GOT1: variants seen among roughly 807,000 people sequenced by gnomAD.
GOT1 encodes glutamic-oxaloacetic transaminase 1.
Under a neutral mutation model 48.2 loss-of-function variants are expected in GOT1, and 25 were observed. The ratio of observed to expected loss-of-function variants is 0.52; its 90% CI spans 0.38 to 0.72. The LOEUF is 0.72. Among genes scored for constraint, GOT1 ranks in the 30% least tolerant of loss-of-function variants. The pLI is 0.00. For missense variants in GOT1, 380 were observed against 520.1 expected, an observed-to-expected ratio of 0.73 and a Z score of 2.62; for synonymous variants, 188 against 193.8, an observed-to-expected ratio of 0.97 and a Z score of 0.25.
intron 2 of GOT1, among the ~76,000 whole-genome samples, chr10:99,411,621 A>G (rs1316963682): frequency 1.3e-5 from 2 of 152,194 alleles, no homozygotes; most frequent in Non-Finnish European, 2.9e-5. Flanking sequence ...CATCTTTAGT[A>G]TACTACATCA....
In GOT1 at chr10:99,397,430, G is replaced by T; in HGVS notation, c.*117C>A. On this transcript the variant is annotated 3_prime_UTR_variant, in exon 9 of 9. Coordinates refer to ENST00000370508, the MANE Select transcript of GOT1 (RefSeq NM_002079.3). This position sits in a 1 kb window ranked among gnomAD's most constrained non-coding sequence, Gnocchi z 5.4. ...TTTAAACAGAGGCTGCCTCACCAGA[G>T]CAGCCTTTCAGTCCTGCAAGTGTCT... 1 of 1,105,728 alleles carries T rather than the reference G, an allele frequency of 9.0e-7. No individual in the cohort carries two copies. The highest frequency in any genetic ancestry group is 1.4e-6 in the Non-Finnish European group (1 of 738,208). The allele number at this position is 1,105,728 out of a possible 1,614,324, so 68.5% of individuals were successfully genotyped here.
chr10:99,405,202 G>A (rs1039311940), intron 5 of GOT1, among the ~76,000 whole-genome samples: 4 of 152,074 alleles, frequency 2.6e-5, no homozygotes, highest in Admixed American at 6.6e-5. Context: ...CTACAAACTC[G>A]TTAAGGAAGA....
chr10:99,430,344 G>A (rs1373874083), intron 1 of GOT1, 104 bp downstream of exon 1: 77 of 1,606,616 alleles, frequency 4.8e-5, no homozygotes, highest in Non-Finnish European at 4.2e-5. Flanking sequence ...GCCCTCTTCA[G>A]GCAGCGCCAC....
At chr10:99,429,566 C>T (rs978998705) in intron 1 of GOT1, among the ~76,000 whole-genome samples, 1 of 152,048 alleles carries the variant, frequency 6.6e-6, no homozygotes, top group Non-Finnish European at 1.5e-5. Context: ...GTGGCAAAAT[C>T]CAAATGGAGA....
At chr10:99,429,177 G>C (rs1006255991) in intron 1 of GOT1, among the ~76,000 whole-genome samples, 1 of 151,778 alleles carries the variant, frequency 6.6e-6, no homozygotes, top group African/African-American at 2.4e-5. Context: ...AGCCTCCCGA[G>C]TACCTGGGAC....
chr10:99,405,911 GAC>G (rs1163276759), intron 4 of GOT1, 51 bp from the exon 5 acceptor site: 1 of 1,046,418 alleles, frequency 9.6e-7, no homozygotes, highest in Non-Finnish European at 1.5e-6. Flanking sequence ...AATATTGGGA[GAC>G]AGAGTCAGCA....
intron 2 of GOT1, among the ~76,000 whole-genome samples, chr10:99,418,245 G>T (rs1589941857): frequency 6.6e-6 from 1 of 151,890 alleles, no homozygotes; most frequent in African/African-American, 2.4e-5. Context: ...GATTAAGAGG[G>T]AGGGCTATGT....
At chr10:99,399,903 G>T (rs898317515) in intron 8 of GOT1, among the ~76,000 whole-genome samples, 1 of 152,220 alleles carries the variant, frequency 6.6e-6, no homozygotes, top group African/African-American at 2.4e-5. Flanking sequence ...AACAAAGAAA[G>T]CAAGCTTAAG....
Position 99,397,441 on chromosome 10 carries a change from G to A in GOT1, c.*106C>T, listed in dbSNP as rs1589932591. On this transcript the variant is annotated 3_prime_UTR_variant, in exon 9 of 9. Coordinates refer to ENST00000370508, the MANE Select transcript of GOT1 (RefSeq NM_002079.3). The surrounding 1 kb of genome is among the most constrained non-coding windows in gnomAD (Gnocchi z 5.4). ...GCTGCCTCACCAGAGCAGCCTTTCA[G>A]TCCTGCAAGTGTCTCTAATCCATGG... The A allele has an allele frequency of 3.3e-6, 4 of 1,223,984 alleles. No individual in the cohort carries two copies. The Admixed American group carries it at 7.0e-5, about 21-fold the overall frequency. 75.8% of individuals were successfully genotyped at this position (1,223,984 alleles called of 1,614,324 possible). A position where few individuals can be genotyped will look rare whatever the true frequency, so the allele number is the denominator to read the frequency against.
intron 8 of GOT1, 110 bp downstream of exon 8, chr10:99,402,470 G>T: frequency 8.6e-7 from 1 of 1,159,284 alleles, no homozygotes; most frequent in Non-Finnish European, 1.3e-6. Flanking sequence ...AGCAATGGCT[G>T]CCCAATTAGG....
At chr10:99,425,545 C>G (rs1003056793) in intron 1 of GOT1, among the ~76,000 whole-genome samples, 1 of 152,032 alleles carries the variant, frequency 6.6e-6, no homozygotes, top group Admixed American at 6.6e-5. Flanking sequence ...AATAATGAGG[C>G]CTTGAATTCA....
At chr10:99,422,407 T>C (rs181807129) in intron 1 of GOT1, among the ~76,000 whole-genome samples, 11 of 152,312 alleles carry the variant, frequency 7.2e-5, no homozygotes, top group African/African-American at 2.6e-4. Flanking sequence ...ATAATCCCAG[T>C]ACTCAGAGAC....
chr10:99,410,489 A>T (rs558827643), intron 2 of GOT1, among the ~76,000 whole-genome samples: 2 of 152,322 alleles, frequency 1.3e-5, no homozygotes, highest in Admixed American at 6.5e-5. Context: ...TCATTTTTTT[A>T]AAAATCAGTA....
Position 99,406,149 on chromosome 10 carries a change from C to A in GOT1, c.525G>T (p.Leu175=). ...EKRGLDLQGF[L]NDLENAPEFS... ...CTAAATCACCCACCTCCAGATCATT[C>A]AGGAAGCCCTGGAGGTCCAATCCTC... Residue 175 remains leucine (L), a synonymous_variant, in exon 4 of 9, where the codon CTG becomes CTT. Transcript: ENST00000370508. The A allele has an allele frequency of 6.2e-7, 1 of 1,605,366 alleles. No homozygotes were observed. The highest frequency in any genetic ancestry group is 8.5e-7 in the Non-Finnish European group (1 of 1,171,976).
intron 8 of GOT1, among the ~76,000 whole-genome samples, chr10:99,402,161 A>G (rs1408955479): frequency 6.6e-6 from 1 of 152,162 alleles, no homozygotes; most frequent in Non-Finnish European, 1.5e-5. Flanking sequence ...TCTCTTTTTG[A>G]GGATAATACC....
At chr10:99,422,950 G>A (rs1033021570) in intron 1 of GOT1, among the ~76,000 whole-genome samples, 1 of 152,170 alleles carries the variant, frequency 6.6e-6, no homozygotes, top group Non-Finnish European at 1.5e-5. Context: ...TTCAGTGAAC[G>A]ACCCTGTACA....
chr10:99,402,521 G>A, intron 8 of GOT1, 59 bp downstream of exon 8: 1 of 1,580,510 alleles, frequency 6.3e-7, no homozygotes, highest in Middle Eastern at 1.9e-4. Context: ...GCGAGCGACT[G>A]AAAGGAATGT....
At chr10:99,406,082 T>C in intron 4 of GOT1, 55 bp downstream of exon 4, 1 of 1,207,042 alleles carries the variant, frequency 8.3e-7, no homozygotes, top group Admixed American at 1.7e-5. Flanking sequence ...CCAAAGACTT[T>C]GCCTGAGATT....
chr10:99,418,059 A>T (rs75402290), intron 2 of GOT1, among the ~76,000 whole-genome samples: 27,730 of 145,078 alleles, frequency 0.19, 2,811 homozygotes, highest in Admixed American at 0.27. Context: ...ATTAAAAAAA[A>T]AAATATATAT....
Sources: gnomAD v4.1 joint callset for allele counts (sites outside exome capture counted in the v4.1 genomes callset) on GRCh38, gnomAD v4.1.1 for gene constraint, Gnocchi (gnomAD v3.1) non-coding constraint, MANE v1.5 for transcripts, NCBI Gene and HGNC (gene_info 2026-07-23, HGNC 2026-07-21) for gene names.